Variants in NGEF observed in about 807,000 individuals in gnomAD.
NGEF encodes neuronal guanine nucleotide exchange factor.
Under a neutral mutation model 80.9 loss-of-function variants are expected in NGEF, and 31 were observed. That is an observed-to-expected ratio of 0.38 (90% CI 0.29 to 0.52). The LOEUF is 0.52. NGEF is among the 20% of genes least tolerant of loss of function. The probability of loss-of-function intolerance (pLI) is 0.84; values close to 1 mark genes in which losing one functional copy is unlikely to be tolerated. For synonymous variants in NGEF, 371 were observed against 370.2 expected (o/e 1.00, Z -0.03); for missense variants, 709 against 926.2 (o/e 0.77, Z 3.04).
chr2:232,915,491 G>T (rs1692779346), intron 5 of NGEF, among the ~76,000 whole-genome samples: 1 of 152,124 alleles, frequency 6.6e-6, no homozygotes, highest in South Asian at 2.1e-4. Context: ...TTCATTACAT[G>T]TCGTGTTCAG....
intron 3 of NGEF, among the ~76,000 whole-genome samples, chr2:232,956,079 T>C (rs764678657): frequency 1.3e-5 from 2 of 152,194 alleles, no homozygotes; most frequent in Non-Finnish European, 2.9e-5. Flanking sequence ...CTACTGTGTT[T>C]GCTGGTTTCA....
chr2:232,970,237 T>C lies in NGEF; in HGVS notation c.360A>G (p.Thr120=). Residue 120 remains threonine, a synonymous_variant, in exon 3 of 15, where the codon ACA becomes ACG. Transcript: ENST00000264051. ...RMPPCRTAMQ[T]DPGAQEMSES... ...ACCTCATTTCCTGGGCTCCTGGGTC[T>C]GTCTGCATTGCTGTTCTGCAAGGAG... 13 of 1,594,822 alleles carry C rather than the reference T, an allele frequency of 8.2e-6. No individual in the cohort carries two copies. The highest frequency in any genetic ancestry group is 1.0e-5 in the Non-Finnish European group (12 of 1,173,548).
intron 1 of NGEF, among the ~76,000 whole-genome samples, chr2:232,992,966 G>T (rs1694679667): frequency 6.8e-6 from 1 of 147,256 alleles, no homozygotes; most frequent in South Asian, 2.1e-4. Context: ...CAGCCTGGGT[G>T]ATAGAGCGAG....
chr2:233,012,042 G>A (rs957745957), intron 1 of NGEF, among the ~76,000 whole-genome samples: 2 of 152,154 alleles, frequency 1.3e-5, no homozygotes, highest in Admixed American at 1.3e-4. Flanking sequence ...GGGGCAGCCT[G>A]AGACATGGGC....
chr2:232,937,658 G>A (rs1219681543), intron 3 of NGEF, among the ~76,000 whole-genome samples: 1 of 152,156 alleles, frequency 6.6e-6, no homozygotes, highest in Non-Finnish European at 1.5e-5. Context: ...ATTGGGAAGG[G>A]GCTGGCTCGT....
At chr2:232,984,934 G>T (rs1209934404) in intron 1 of NGEF, among the ~76,000 whole-genome samples, 1 of 152,194 alleles carries the variant, frequency 6.6e-6, no homozygotes, top group Non-Finnish European at 1.5e-5. Flanking sequence ...GTAAGAGGTT[G>T]AATGAACGAA....
chr2:233,011,087 G>T (rs989477607), intron 1 of NGEF, among the ~76,000 whole-genome samples: 3 of 152,114 alleles, frequency 2.0e-5, no homozygotes, highest in Non-Finnish European at 4.4e-5. Flanking sequence ...CCGTTGTTGG[G>T]GTGAGAGGGC....
At chr2:232,984,743 G>C (rs184862378) in intron 1 of NGEF, among the ~76,000 whole-genome samples, 9 of 152,304 alleles carry the variant, frequency 5.9e-5, no homozygotes, top group Admixed American at 5.2e-4. Context: ...ATTAGGCAGG[G>C]CAGGGAAATT....
intron 1 of NGEF, among the ~76,000 whole-genome samples, chr2:233,001,724 C>T (rs1353145030): frequency 6.6e-6 from 1 of 152,156 alleles, no homozygotes; most frequent in African/African-American, 2.4e-5. Flanking sequence ...ATTAAAAATA[C>T]AAAAGTTAGC....
At chr2:232,943,210 A>G (rs1693475493) in intron 3 of NGEF, among the ~76,000 whole-genome samples, 1 of 151,684 alleles carries the variant, frequency 6.6e-6, no homozygotes, top group African/African-American at 2.4e-5. Context: ...CCAGAAATAC[A>G]AGTTTCTATT....
chr2:232,887,043 G>A (rs1024540077), intron 9 of NGEF, among the ~76,000 whole-genome samples: 5 of 152,246 alleles, frequency 3.3e-5, no homozygotes, highest in Admixed American at 1.3e-4. Context: ...GACTGCAATA[G>A]GGTAGGAAGT....
chr2:232,911,098 A>G (rs1405413095), intron 5 of NGEF, among the ~76,000 whole-genome samples: 1 of 152,140 alleles, frequency 6.6e-6, no homozygotes, highest in Non-Finnish European at 1.5e-5. Context: ...GTTTTCTCCT[A>G]TGTTTTCCTC....
At chr2:232,943,356 G>A (rs916414833) in intron 3 of NGEF, among the ~76,000 whole-genome samples, 4 of 152,134 alleles carry the variant, frequency 2.6e-5, no homozygotes, top group African/African-American at 9.7e-5. Context: ...AGTAATGACA[G>A]AAGAGAACAA....
chr2:232,939,493 A>G (rs1429737931), intron 3 of NGEF, among the ~76,000 whole-genome samples: 1 of 152,250 alleles, frequency 6.6e-6, no homozygotes, highest in African/African-American at 2.4e-5. Context: ...TCATAAACAA[A>G]GTAGACTTGA....
intron 3 of NGEF, among the ~76,000 whole-genome samples, chr2:232,964,435 G>A (rs1466659318): frequency 6.6e-6 from 1 of 152,142 alleles, no homozygotes; most frequent in Non-Finnish European, 1.5e-5. Flanking sequence ...GCTCGCACCT[G>A]TAATCCCAAC....
At position 232,879,171 on chromosome 2, in the gene NGEF, G is replaced by C. The variant is rs181305998; in HGVS notation, c.*318C>G. ...TGGGAGCCTCTTCCAGTCCCTGGGG[G>C]CCAGGGGCATGGGGGGCCCTGGAGT... On this transcript the variant is annotated 3_prime_UTR_variant, in exon 15 of 15. Transcript: ENST00000264051. 2 of 248,770 alleles carry C rather than the reference G, an allele frequency of 8.0e-6. No individual in the cohort carries two copies. The highest frequency in any genetic ancestry group is 5.2e-5 in the Admixed American group (1 of 19,332). The allele number at this position is 248,770 out of a possible 1,614,324, so 15.4% of individuals were successfully genotyped here. A position where few individuals can be genotyped will look rare whatever the true frequency, so the allele number is the denominator to read the frequency against.
chr2:232,997,251 G>A (rs1338813952), intron 1 of NGEF, among the ~76,000 whole-genome samples: 2 of 152,204 alleles, frequency 1.3e-5, no homozygotes, highest in African/African-American at 4.8e-5. Flanking sequence ...ATTCTCAGAT[G>A]CTGCTGCTGG....
chr2:232,927,167 C>T lies in NGEF; in HGVS notation c.403G>A (p.Gly135Arg). ...QEMSESSSTP[G>R]NGATPEEWPA... is the part of the protein sequence containing the mutation. ...CACTCCTCGGGCGTGGCCCCATTTCCCGGGGTGGAGGACGACTCACTGCCA... is the reference window on the plus strand; with the variant it reads ...CACTCCTCGGGCGTGGCCCCATTTCTCGGGGTGGAGGACGACTCACTGCCA... Residue 135 changes from glycine (G) to arginine (R), a missense_variant, in exon 4 of 15, where the codon GGA becomes AGA. Gly to Arg is a moderately radical substitution (Grantham distance 125). This residue lies in a region of NGEF where 283 missense variants were observed against 303.4 expected (regional missense o/e 0.93). Transcript: ENST00000264051. 1 of 1,599,034 alleles carries T rather than the reference C, an allele frequency of 6.3e-7. No individual in the cohort carries two copies. Among genetic ancestry groups the T allele is most frequent in the Non-Finnish European group, 8.5e-7 (1 of 1,174,156 alleles).
At chr2:232,949,563 C>T (rs560433429) in intron 3 of NGEF, among the ~76,000 whole-genome samples, 22 of 151,542 alleles carry the variant, frequency 1.5e-4, no homozygotes, top group African/African-American at 4.6e-4. Flanking sequence ...CTGCAACGTC[C>T]GCCTCCCGGG....
Sources: gnomAD v4.1 joint callset for allele counts (sites outside exome capture counted in the v4.1 genomes callset) on GRCh38, gnomAD v4.1.1 for gene constraint, gnomAD v4.1.1 regional missense constraint, MANE v1.5 for transcripts, NCBI Gene and HGNC (gene_info 2026-07-23, HGNC 2026-07-21) for gene names.